UACA: variants seen among roughly 807,000 people sequenced by gnomAD.
UACA encodes the protein uveal autoantigen with coiled-coil domains and ankyrin repeats, also known as nuclear membrane binding protein.
Under a neutral mutation model 160.5 loss-of-function variants are expected in UACA, and 112 were observed. That is an observed-to-expected ratio of 0.70 (90% CI 0.60 to 0.82). The LOEUF (loss-of-function observed/expected upper bound fraction) is 0.82. UACA is among the 40% of genes least tolerant of loss of function. The probability of loss-of-function intolerance (pLI) is 0.00; values close to 1 mark genes in which losing one functional copy is unlikely to be tolerated. For synonymous variants in UACA, 557 were observed against 568.4 expected (o/e 0.98, Z 0.29); for missense variants, 1,574 against 1,614.6 (o/e 0.97, Z 0.43).
chr15:70,708,990 G>A (rs1317747758), intron 1 of UACA, among the ~76,000 whole-genome samples: 5 of 152,056 alleles, frequency 3.3e-5, no homozygotes, highest in Admixed American at 6.5e-5. Flanking sequence ...GCAAAACATC[G>A]TTATCACCAA....
chr15:70,759,198 C>A (rs1159520481), intron 1 of UACA, among the ~76,000 whole-genome samples: 1 of 152,140 alleles, frequency 6.6e-6, no homozygotes, highest in African/African-American at 2.4e-5. Flanking sequence ...GAATTACAGT[C>A]CCTTAATTTA....
chr15:70,672,275 G>T (rs1897164267), intron 13 of UACA, among the ~76,000 whole-genome samples: 1 of 152,018 alleles, frequency 6.6e-6, no homozygotes, highest in South Asian at 2.1e-4. Context: ...AAAAAAAAGT[G>T]AGCCCTAAAT....
At position 70,676,580 on chromosome 15, in the gene UACA, C is replaced by G. The variant is rs760318791; in HGVS notation, c.1044G>C (p.Leu348=). 3 of 1,611,940 alleles carry G rather than the reference C, an allele frequency of 1.9e-6. No homozygotes were observed. The highest frequency in any genetic ancestry group is 2.2e-5 in the South Asian group (2 of 91,040). ...TTTCTTTAGCTGCCAAAAGGGACTT[C>G]AGCTTTTCTCTCTGAAATGAAACAG... The part of the protein sequence containing the change: ...ADDLESEREK[L]KSLLAAKEKQ... Residue 348 remains leucine (L), a synonymous_variant, in exon 13 of 19, where the codon CTG becomes CTC. Transcript: ENST00000322954.
the UACA span, among the ~76,000 whole-genome samples, chr15:70,774,154 CTT>C: frequency 6.6e-6 from 1 of 152,166 alleles, no homozygotes; most frequent in African/African-American, 2.4e-5. Flanking sequence ...ACATGTATCT[CTT>C]TTAATACTCC....
chr15:70,674,383 C>T (rs1424660179), intron 13 of UACA, among the ~76,000 whole-genome samples: 2 of 152,110 alleles, frequency 1.3e-5, no homozygotes, highest in Admixed American at 6.6e-5. Flanking sequence ...ATATAACACA[C>T]AAATTATGTA....
intron 1 of UACA, among the ~76,000 whole-genome samples, chr15:70,750,721 A>C (rs1287919045): frequency 6.6e-6 from 1 of 152,104 alleles, no homozygotes; most frequent in Non-Finnish European, 1.5e-5. Flanking sequence ...AATAAACAAA[A>C]TTAGTCAGGC....
chr15:70,722,406 C>A (rs949647071), intron 1 of UACA, among the ~76,000 whole-genome samples: 1 of 151,788 alleles, frequency 6.6e-6, no homozygotes, highest in African/African-American at 2.4e-5. Flanking sequence ...TGGCCTCGAT[C>A]ACCTAGGCTC....
rs574606957 is a variant in UACA at position 70,718,550 on chromosome 15, C to T, written c.79-18890G>A. ...TGTGAAGAGACTGGCACATATCTTA[C>T]GAGGCCTGTTCCTTCAGCCTTGGTT... On this transcript the variant is annotated intron_variant, in intron 1 of 18. Coordinates refer to ENST00000322954, the MANE Select transcript of UACA (RefSeq NM_018003.4). Among the ~76,000 whole-genome samples, 6 of 152,138 alleles carry T rather than the reference C, an allele frequency of 3.9e-5. No homozygotes were observed. In the South Asian group the frequency reaches 6.2e-4, roughly 16 times the overall value.
At chr15:70,698,111 C>T (rs1204518311) in intron 2 of UACA, among the ~76,000 whole-genome samples, 2 of 152,072 alleles carry the variant, frequency 1.3e-5, no homozygotes, top group East Asian at 3.9e-4. Flanking sequence ...AAGACTAACA[C>T]TCCTCAAATA....
chr15:70,699,651 C>T lies in UACA; in HGVS notation c.88G>A (p.Asp30Asn), dbSNP rs190479083. 53 of 1,610,360 alleles carry T rather than the reference C, an allele frequency of 3.3e-5. No homozygotes were observed. In the East Asian group the frequency reaches 8.0e-4, roughly 24 times the overall value. Residue 30 changes from aspartate to asparagine, a missense_variant, in exon 2 of 19, where the codon GAT (aspartate) becomes AAT (asparagine). By Grantham distance (23) the Asp-to-Asn change is conservative. Coordinates refer to ENST00000322954, the MANE Select transcript of UACA (RefSeq NM_018003.4). ...AATCGGTCATCATATTTATTCCAATCTGCTGCATGCTACAAAAAGGAAAAA... is the reference window on the plus strand; with the variant it reads ...AATCGGTCATCATATTTATTCCAATTTGCTGCATGCTACAAAAAGGAAAAA... ...GAAAASAHAA[D>N]WNKYDDRLMK... is the part of the protein sequence containing the mutation.
At chr15:70,769,515 A>C in the UACA span, among the ~76,000 whole-genome samples, 15 of 151,256 alleles carry the variant, frequency 9.9e-5, no homozygotes, top group South Asian at 2.1e-4. Flanking sequence ...TAAAATCTGG[A>C]TATAGAAATG....
intron 3 of UACA, 124 bp from the exon 4 acceptor site, chr15:70,691,487 T>C (rs1897933798): frequency 4.8e-6 from 3 of 625,916 alleles, no homozygotes; most frequent in Non-Finnish European, 8.0e-6. Flanking sequence ...GTAAGTATAC[T>C]TTCAGTTTCC....
chr15:70,692,550 T>G (rs866554354), intron 3 of UACA, among the ~76,000 whole-genome samples: 3 of 152,288 alleles, frequency 2.0e-5, no homozygotes, highest in Middle Eastern at 6.8e-3. Flanking sequence ...GCAGGTGTAT[T>G]GCTTGAGCCT....
At chr15:70,767,684 A>T (rs2031050623), upstream of UACA, among the ~76,000 whole-genome samples, 7 of 152,186 alleles carry the variant, frequency 4.6e-5, no homozygotes, top group South Asian at 1.4e-3. Flanking sequence ...AGCTTTAGTT[A>T]TGAATTCTAT....
intron 1 of UACA, among the ~76,000 whole-genome samples, chr15:70,735,807 C>T (rs1285313509): frequency 2.0e-5 from 3 of 151,990 alleles, no homozygotes; most frequent in Non-Finnish European, 4.4e-5. Flanking sequence ...TCCCAAGTAG[C>T]TGGGACTACA....
At position 70,661,045 on chromosome 15, in the gene UACA, C is replaced by G. The variant is rs1896689419; in HGVS notation, c.4114-829G>C. 4 of 152,172 alleles carry G rather than the reference C, an allele frequency of 2.6e-5. No individual in the cohort carries two copies. The South Asian group carries it at 8.3e-4, about 32-fold the overall frequency. The allele number at this position is 152,172 out of a possible 1,614,324, so 9.4% of individuals were successfully genotyped here. On this transcript the variant is annotated intron_variant, in intron 17 of 18. Transcript: ENST00000322954. ...ATACCCTCAGTGGATAAGAGAGGGA[C>G]TACTCTACAGGCAGGGCTTTTACTG...
At chr15:70,752,236 TCAA>T (rs1410102715) in intron 1 of UACA, among the ~76,000 whole-genome samples, 2 of 17,254 alleles carry the variant, frequency 1.2e-4, no homozygotes, top group African/African-American at 5.2e-4. Flanking sequence ...CAAAACTCCA[TCAA>T]AAAAAAAAAA....
At chr15:70,711,515 TACA>T (rs1898681345) in intron 1 of UACA, among the ~76,000 whole-genome samples, 1 of 148,036 alleles carries the variant, frequency 6.8e-6, no homozygotes, top group Non-Finnish European at 1.5e-5. Context: ...AAAAAAAAAT[TACA>T]ACAACAAAAT....
At chr15:70,726,779 G>A (rs1248266744) in intron 1 of UACA, among the ~76,000 whole-genome samples, 2 of 152,108 alleles carry the variant, frequency 1.3e-5, no homozygotes, top group African/African-American at 4.8e-5. Flanking sequence ...ACAAGTACCT[G>A]TCCAATTTAT....
Sources: allele counts gnomAD v4.1 joint callset (sites outside exome capture counted in the v4.1 genomes callset), GRCh38; gene constraint gnomAD v4.1.1; transcripts MANE v1.5; gene names NCBI Gene and HGNC (gene_info 2026-07-23, HGNC 2026-07-21).